Variants in OXR1 observed in about 807,000 individuals in gnomAD.
The protein encoded by OXR1 is oxidation resistance 1.
A neutral mutation model predicts 104.6 loss-of-function variants in OXR1; 41 were observed. That is an observed-to-expected ratio of 0.39 (90% CI 0.31 to 0.51). OXR1 has a LOEUF of 0.51. Among genes scored for constraint, OXR1 ranks in the 20% least tolerant of loss-of-function variants. OXR1 has a pLI of 0.77. For missense variants in OXR1, 955 were observed against 1,031.9 expected (o/e 0.93, Z 1.02); for synonymous variants, 348 against 348.4 (o/e 1.00, Z 0.01).
At chr8:106,292,010 G>A (rs1463950502) in intron 1 of OXR1, among the ~76,000 whole-genome samples, 1 of 152,066 alleles carries the variant, frequency 6.6e-6, no homozygotes, top group Non-Finnish European at 1.5e-5. Flanking sequence ...ATTTGGATGG[G>A]GACACAGCCA....
Position 106,555,366 on chromosome 8 carries a change from A to G in OXR1, c.220+36227A>G, listed in dbSNP as rs183385338. ...GCTCCCACTAAAAATCTACTGAATC[A>G]ATATTCAGGGAGGATAGTATTTTAA... On this transcript the variant is annotated intron_variant, in intron 3 of 16. Coordinates refer to ENST00000517566, the MANE Select transcript of OXR1 (RefSeq NM_001198533.2). 1.8e-4 allele frequency among the ~76,000 whole-genome samples: 28 copies of G among 152,268 alleles called. 1 individual carries two copies. Among genetic ancestry groups the G allele is most frequent in the Admixed American group, 1.6e-3 (25 of 15,290 alleles).
chr8:106,684,156 G>T, intron 5 of OXR1, 90 bp from the exon 6 acceptor site: 11 of 612,698 alleles, frequency 1.8e-5, no homozygotes, highest in South Asian at 4.9e-5. Flanking sequence ...CTGTTTAATT[G>T]GTAATTGTTA....
chr8:106,345,206 A>T (rs1351333242), intron 1 of OXR1, among the ~76,000 whole-genome samples: 1 of 152,232 alleles, frequency 6.6e-6, no homozygotes, highest in Non-Finnish European at 1.5e-5. Flanking sequence ...AATGAATGAC[A>T]TAAGAACACA....
chr8:106,726,222 C>T lies in OXR1; in HGVS notation c.1957-11298C>T, dbSNP rs983690919. On this transcript the variant is annotated intron_variant, in intron 11 of 16. Transcript: ENST00000517566. ...ACAGTTCTTACGTGATTTTATGTAA[C>T]TTAATTTGCCCTGGAAAGGAAATGT... The T allele has an allele frequency of 7.3e-6, 11 of 1,514,572 alleles. No individual in the cohort carries two copies. The African/African-American group carries it at 1.3e-4, about 17-fold the overall frequency. The allele number at this position is 1,514,572 out of a possible 1,614,324, so 93.8% of individuals were successfully genotyped here.
chr8:106,690,305 A>G (rs1204089702), intron 6 of OXR1, among the ~76,000 whole-genome samples: 1 of 151,068 alleles, frequency 6.6e-6, no homozygotes, highest in Non-Finnish European at 1.5e-5. Context: ...CATTCATATT[A>G]TTACATATAA....
chr8:106,294,432 T>C (rs140908939), intron 1 of OXR1, among the ~76,000 whole-genome samples: 4 of 143,272 alleles, frequency 2.8e-5, no homozygotes, highest in Non-Finnish European at 6.0e-5. Flanking sequence ...AAGAAATACC[T>C]GAGACTGGGT....
intron 3 of OXR1, among the ~76,000 whole-genome samples, chr8:106,607,494 C>T (rs1174534481): frequency 1.3e-5 from 2 of 152,230 alleles, no homozygotes; most frequent in Non-Finnish European, 2.9e-5. Context: ...GGATTGCTTA[C>T]ACTTACCTGG....
intron 1 of OXR1, among the ~76,000 whole-genome samples, chr8:106,357,278 T>C (rs943680766): frequency 4.6e-5 from 7 of 152,024 alleles, no homozygotes; most frequent in African/African-American, 1.7e-4. Context: ...GCAATACAGC[T>C]TGGAAACTTT....
chr8:106,726,519 A>G lies in OXR1; in HGVS notation c.1957-11001A>G, dbSNP rs1006872137. Among the ~76,000 whole-genome samples the G allele has an allele frequency of 3.3e-5, 5 of 152,288 alleles. No individual in the cohort carries two copies. The East Asian group carries it at 9.6e-4, about 29-fold the overall frequency. The stretch of plus-strand genomic sequence containing the variant: ...TAATAAGGGACTGTAATTTTGTTTC[A>G]TATTAAGTGTTTTGTATGTTCTACA... On this transcript the variant is annotated intron_variant, in intron 11 of 16. Transcript: ENST00000517566.
chr8:106,702,249 C>G (rs770663296), intron 7 of OXR1, among the ~76,000 whole-genome samples: 1 of 152,062 alleles, frequency 6.6e-6, no homozygotes, highest in African/African-American at 2.4e-5. Flanking sequence ...CGTAAGCCAC[C>G]GTGCCTGCCC....
At position 106,565,448 on chromosome 8, in the gene OXR1, C is replaced by T. The variant is rs544479768; in HGVS notation, c.220+46309C>T. On this transcript the variant is annotated intron_variant, in intron 3 of 16. Transcript: ENST00000517566. ...ATGTGAAGAACCTCTTCAAGGAGAA[C>T]TACAAACCACTGCTCAAGGAAATAA... 3.3e-5 allele frequency among the ~76,000 whole-genome samples: 5 copies of T among 152,190 alleles called. No individual in the cohort carries two copies. In the East Asian group the frequency reaches 9.6e-4, roughly 29 times the overall value.
intron 3 of OXR1, among the ~76,000 whole-genome samples, chr8:106,669,416 T>C (rs956554238): frequency 8.5e-5 from 13 of 152,076 alleles, no homozygotes; most frequent in Non-Finnish European, 4.4e-5. Flanking sequence ...GATACTAGAT[T>C]TGAGGGAAAA....
chr8:106,532,894 T>G (rs1435096606), intron 3 of OXR1, among the ~76,000 whole-genome samples: 1 of 152,226 alleles, frequency 6.6e-6, no homozygotes, highest in Non-Finnish European at 1.5e-5. Flanking sequence ...AAAATAACCT[T>G]ATCATAAATA....
intron 11 of OXR1, among the ~76,000 whole-genome samples, chr8:106,723,045 A>G (rs527825542): frequency 8.5e-5 from 13 of 152,140 alleles, no homozygotes; most frequent in African/African-American, 1.2e-4. Context: ...GTTATGAGCT[A>G]TAACATTTCC....
chr8:106,583,965 C>T (rs1185800343), intron 3 of OXR1, among the ~76,000 whole-genome samples: 2 of 151,872 alleles, frequency 1.3e-5, no homozygotes, highest in East Asian at 3.9e-4. Context: ...TATGAGAACA[C>T]TGACTAAACC....
chr8:106,355,485 T>A (rs1815927195), intron 1 of OXR1, among the ~76,000 whole-genome samples: 1 of 152,138 alleles, frequency 6.6e-6, no homozygotes, highest in Non-Finnish European at 1.5e-5. Context: ...ACAGGCTTTT[T>A]AATTTTTTTC....
At chr8:106,577,218 G>GT (rs375844927) in intron 3 of OXR1, among the ~76,000 whole-genome samples, 4,326 of 143,426 alleles carry the variant, frequency 0.03, 191 homozygotes, top group African/African-American at 0.099. Flanking sequence ...TTTGTTTTTT[G>GT]TTTTTTTTTT....
At chr8:106,493,580 C>G (rs1034082911) in intron 2 of OXR1, among the ~76,000 whole-genome samples, 3 of 151,948 alleles carry the variant, frequency 2.0e-5, no homozygotes, top group African/African-American at 7.3e-5. Flanking sequence ...TCGGGCCACA[C>G]TGAATTCTCC....
In OXR1 at chr8:106,706,629, G is replaced by A. The variant is rs748736234; in HGVS notation, c.1108G>A (p.Val370Met). The A allele has an allele frequency of 1.2e-6, 2 of 1,613,450 alleles. No homozygotes were observed. Among genetic ancestry groups the A allele is most frequent in the Non-Finnish European group, 1.7e-6 (2 of 1,179,876 alleles). Residue 370 changes from valine (V) to methionine (M), a missense_variant, in exon 9 of 17, where the codon GTG becomes ATG. By Grantham distance (21) the Val-to-Met change is conservative (BLOSUM62 1). Transcript: ENST00000517566. ...ATCTTCTGGTGCGTCATCAGAATCT[G>A]TGCAAACTGTCAATCAGGCTGAAGT... ...DKSSGASSES[V>M]QTVNQAEVES...
Sources: gnomAD v4.1 joint callset for allele counts (sites outside exome capture counted in the v4.1 genomes callset) on GRCh38, gnomAD v4.1.1 for gene constraint, MANE v1.5 for transcripts, NCBI Gene and HGNC (gene_info 2026-07-23, HGNC 2026-07-21) for gene names.